Variants in ATP10A observed in about 807,000 individuals in gnomAD.
The protein encoded by ATP10A is phospholipid-transporting ATPase VA.
ATP10A carries 111 observed loss-of-function variants against 147.8 expected under a neutral mutation model. That is an observed-to-expected ratio of 0.75 (90% CI 0.64 to 0.88). The LOEUF (loss-of-function observed/expected upper bound fraction) is 0.88. Among genes scored for constraint, ATP10A ranks in the 40% least tolerant of loss-of-function variants. ATP10A has a pLI of 0.00. For missense variants in ATP10A, 1,927 were observed against 1,959.0 expected, an observed-to-expected ratio of 0.98 and a Z score of 0.31; for synonymous variants, 875 against 841.6, an observed-to-expected ratio of 1.04 and a Z score of -0.69.
chr15:25,859,936 A>G (rs1290237578), intron 1 of ATP10A, among the ~76,000 whole-genome samples: 8 of 152,108 alleles, frequency 5.3e-5, no homozygotes, highest in Admixed American at 5.2e-4. Context: ...AATGTGTTGC[A>G]CGCTTGGACC....
intron 1 of ATP10A, among the ~76,000 whole-genome samples, chr15:25,837,933 TG>T (rs747484879): frequency 9.3e-4 from 142 of 152,320 alleles, no homozygotes; most frequent in Non-Finnish European, 1.8e-3. Context: ...AGCCTCTCAC[TG>T]CCCCTTGGCA....
Position 25,862,974 on chromosome 15 carries a change from C to T in ATP10A, c.123G>A (p.Ala41=), listed in dbSNP as rs780276382. 6.7e-7 allele frequency: 1 copy of T among 1,495,518 alleles called. No individual in the cohort carries two copies. Among genetic ancestry groups the T allele is most frequent in the Non-Finnish European group, 8.9e-7 (1 of 1,129,762 alleles). 92.6% of individuals were successfully genotyped at this position (1,495,518 alleles called of 1,614,324 possible). A position where few individuals can be genotyped will look rare whatever the true frequency, so the allele number is the denominator to read the frequency against. Residue 41 remains alanine, a synonymous_variant, in exon 1 of 21, where the codon GCG becomes GCA. Transcript: ENST00000555815. ...LLPPPGAEDP[A]AGAAKGERRR... Reference sequence around the variant, plus strand: ...GCCGCTCGCCCTTGGCCGCGCCAGCCGCAGGGTCCTCGGCGCCCGGGGGCG... The same window carrying T: ...GCCGCTCGCCCTTGGCCGCGCCAGCTGCAGGGTCCTCGGCGCCCGGGGGCG...
chr15:25,690,292 T>C (rs1163738669), intron 15 of ATP10A, among the ~76,000 whole-genome samples: 1 of 151,332 alleles, frequency 6.6e-6, no homozygotes, highest in African/African-American at 2.4e-5. Flanking sequence ...TGCCCAAGCT[T>C]GAGTGCAGTG....
intron 1 of ATP10A, among the ~76,000 whole-genome samples, chr15:25,843,156 A>C (rs889928932): frequency 3.3e-5 from 5 of 152,108 alleles, no homozygotes; most frequent in African/African-American, 1.2e-4. Context: ...CAGTCACGCC[A>C]TGTGCCTCCT....
intron 15 of ATP10A, 122 bp from the exon 16 acceptor site, chr15:25,687,950 G>A (rs1457825794): frequency 1.4e-6 from 2 of 1,401,170 alleles, no homozygotes; most frequent in Non-Finnish European, 2.0e-6. Context: ...CACAGTGCGA[G>A]CGTGGCCGGC....
At chr15:25,737,575 C>T (rs990682351) in intron 2 of ATP10A, among the ~76,000 whole-genome samples, 3 of 152,168 alleles carry the variant, frequency 2.0e-5, no homozygotes, top group South Asian at 2.1e-4. Context: ...AGGCACGGGA[C>T]GGCTGGCTTC....
At chr15:25,720,844 T>C (rs1342101484) in intron 7 of ATP10A, among the ~76,000 whole-genome samples, 1 of 152,214 alleles carries the variant, frequency 6.6e-6, no homozygotes, top group Non-Finnish European at 1.5e-5. Flanking sequence ...AACAGATGCT[T>C]CCCACCAAAT....
intron 1 of ATP10A, among the ~76,000 whole-genome samples, chr15:25,791,633 C>T (rs971544069): frequency 3.9e-5 from 6 of 152,094 alleles, no homozygotes; most frequent in South Asian, 2.1e-4. Context: ...GCAATTCTCC[C>T]GCCTCAGTCT....
chr15:25,816,597 T>C (rs1373566), intron 1 of ATP10A, among the ~76,000 whole-genome samples: 123,435 of 152,166 alleles, frequency 0.81, 50,145 homozygotes, highest in East Asian at 0.84. Flanking sequence ...TTCATACCTC[T>C]TTAAAAAGTA....
At chr15:25,780,339 G>C (rs193126864) in intron 2 of ATP10A, among the ~76,000 whole-genome samples, 2 of 152,244 alleles carry the variant, frequency 1.3e-5, no homozygotes, top group African/African-American at 2.4e-5. Context: ...GAGAAGGCTC[G>C]GGCCAGGCCC....
chr15:25,748,401 T>C (rs924036939), intron 2 of ATP10A, among the ~76,000 whole-genome samples: 2 of 141,594 alleles, frequency 1.4e-5, no homozygotes. Context: ...AAGAGAAAAA[T>C]CATATGATCA....
At chr15:25,778,798 G>C (rs1160816952) in intron 2 of ATP10A, among the ~76,000 whole-genome samples, 1 of 152,172 alleles carries the variant, frequency 6.6e-6, no homozygotes, top group Admixed American at 6.5e-5. Context: ...GTTATTGTTT[G>C]GGTAAAAAGT....
Position 25,679,553 on chromosome 15 carries a change from A to G in ATP10A, c.4288T>C (p.Phe1430Leu), listed in dbSNP as rs1899252730. The change falls in exon 21 of 21, where the codon TTC becomes CTC. Residue 1430 changes from phenylalanine to leucine, a missense_variant. By Grantham distance (22) the Phe-to-Leu change is conservative. Coordinates refer to ENST00000555815, the MANE Select transcript of ATP10A (RefSeq NM_024490.4). The part of the protein sequence containing the change: ...TGRVTPLSSL[F>L]SLPTFSLLNW... ...AGTAAGCTGAAGGTAGGCAGGCTGA[A>G]GAGGGAAGACAGGGGGGTCACCCTG... 1 of 1,612,648 alleles carries G rather than the reference A, an allele frequency of 6.2e-7. No homozygotes were observed. The highest frequency in any genetic ancestry group is 1.3e-5 in the African/African-American group (1 of 75,034).
intron 1 of ATP10A, among the ~76,000 whole-genome samples, chr15:25,817,389 T>G (rs1384382045): frequency 6.6e-6 from 1 of 152,198 alleles, no homozygotes; most frequent in Non-Finnish European, 1.5e-5. Context: ...AGCCTCTCTC[T>G]CTAACAATGT....
At chr15:25,829,071 G>A (rs7163265) in intron 1 of ATP10A, among the ~76,000 whole-genome samples, 140,043 of 152,260 alleles carry the variant, frequency 0.92, 65,202 homozygotes, top group Non-Finnish European at 0.99. Flanking sequence ...AAGAACCAAC[G>A]TGGAGTAAGG....
At chr15:25,766,588 CCT>C (rs1227198494) in intron 2 of ATP10A, among the ~76,000 whole-genome samples, 1 of 151,860 alleles carries the variant, frequency 6.6e-6, no homozygotes, top group Non-Finnish European at 1.5e-5. Flanking sequence ...GCTCCACCAG[CCT>C]CTATTGTAAT....
At position 25,723,973 on chromosome 15, in the gene ATP10A, T is replaced by C; in HGVS notation, c.1028A>G (p.Tyr343Cys). 1.2e-6 allele frequency: 2 copies of C among 1,609,382 alleles called. No homozygotes were observed. The highest frequency in any genetic ancestry group is 1.7e-5 in the Admixed American group (1 of 58,948). Residue 343 changes from tyrosine (Y) to cysteine (C), a missense_variant, in exon 6 of 21, where the codon TAT becomes TGT. Tyr to Cys is a radical substitution (Grantham distance 194, BLOSUM62 -2). Transcript: ENST00000555815. ...GGAGCTTCCATCAGACTTGGGGACA[T>C]AAAATAATGACTTCTTCTCTTGATA... is the stretch of plus-strand genomic sequence containing the variant. The part of the protein sequence containing the change: ...WRYQEKKSLF[Y>C]VPKSDGSSLS...
At chr15:25,792,005 T>A (rs926516900) in intron 1 of ATP10A, among the ~76,000 whole-genome samples, 8 of 152,104 alleles carry the variant, frequency 5.3e-5, no homozygotes, top group African/African-American at 7.2e-5. Flanking sequence ...ATTTTTTTTT[T>A]AAAACAAACA....
In ATP10A at chr15:25,680,116, C is replaced by G. The variant is rs557178517; in HGVS notation, c.3866+5G>C. ...TCAGAGGCACTATCCCGCTCCGACA[C>G]CCACCTGGGCAGCAGTGCAGCGACA... On this transcript the variant is annotated splice_donor_5th_base_variant and intron_variant, in intron 20 of 20. Transcript: ENST00000555815. 1.2e-6 allele frequency: 2 copies of G among 1,612,914 alleles called. No homozygotes were observed. Among genetic ancestry groups the G allele is most frequent in the Admixed American group, 1.7e-5 (1 of 60,010 alleles).
Sources: gnomAD v4.1 joint callset for allele counts (sites outside exome capture counted in the v4.1 genomes callset) on GRCh38, gnomAD v4.1.1 for gene constraint, MANE v1.5 for transcripts, NCBI Gene and HGNC (gene_info 2026-07-23, HGNC 2026-07-21) for gene names.